The following WWOX variants were observed in gnomAD, a reference collection of about 807,000 sequenced individuals.
WWOX encodes WW domain containing oxidoreductase.
In WWOX, 69 loss-of-function variants were observed where a neutral mutation model predicts 46.2. That is an observed-to-expected ratio of 1.49 (90% confidence interval 1.23 to 1.82). WWOX has a LOEUF of 1.82. Ranked by LOEUF, WWOX falls within the 40% of genes most tolerant of loss-of-function variation. The probability of loss-of-function intolerance (pLI) is 0.00; values close to 1 mark genes in which losing one functional copy is unlikely to be tolerated. For synonymous variants in WWOX, 359 were observed against 202.6 expected (o/e 1.77, Z -6.56); for missense variants, 919 against 542.6 (o/e 1.69, Z -6.89).
chr16:78,752,878 G>A (rs1212799063), intron 8 of WWOX, among the ~76,000 whole-genome samples: 1 of 152,192 alleles, frequency 6.6e-6, no homozygotes, highest in African/African-American at 2.4e-5. Flanking sequence ...ATCTAAATCT[G>A]TCCTGGTCCC....
At chr16:78,775,925 A>G (rs1185669311) in intron 8 of WWOX, among the ~76,000 whole-genome samples, 1 of 152,242 alleles carries the variant, frequency 6.6e-6, no homozygotes. Flanking sequence ...AGACAAGGTC[A>G]GTCAGTGGCC....
chr16:78,233,927 G>A (rs2037353472), intron 5 of WWOX, among the ~76,000 whole-genome samples: 1 of 152,134 alleles, frequency 6.6e-6, no homozygotes, highest in Non-Finnish European at 1.5e-5. Context: ...TTCTTCTACT[G>A]GGAAAATGTA....
At chr16:78,726,293 C>T (rs537160847) in intron 8 of WWOX, among the ~76,000 whole-genome samples, 18 of 151,482 alleles carry the variant, frequency 1.2e-4, no homozygotes, top group Middle Eastern at 3.4e-3. Flanking sequence ...GGCATGATCA[C>T]GGTTCACTGC....
At chr16:78,932,512 C>G (rs369816455) in intron 8 of WWOX, among the ~76,000 whole-genome samples, 13 of 152,208 alleles carry the variant, frequency 8.5e-5, no homozygotes, top group African/African-American at 2.9e-4. Flanking sequence ...CTCTTGCAAA[C>G]CTTGAAGTGG....
At chr16:78,395,406 C>T (rs1236679058) in intron 6 of WWOX, among the ~76,000 whole-genome samples, 1 of 152,134 alleles carries the variant, frequency 6.6e-6, no homozygotes, top group East Asian at 1.9e-4. Flanking sequence ...GTAGTCCCAG[C>T]TGCTTGGGAG....
intron 4 of WWOX, among the ~76,000 whole-genome samples, chr16:78,122,090 TTTA>T (rs753905608): frequency 4.6e-5 from 7 of 152,314 alleles, no homozygotes; most frequent in African/African-American, 1.2e-4. Context: ...ATAGTTCTAT[TTTA>T]TTATTATTGT....
chr16:78,115,384 CTG>C (rs1412042399), intron 4 of WWOX, among the ~76,000 whole-genome samples: 4 of 152,176 alleles, frequency 2.6e-5, no homozygotes, highest in African/African-American at 9.7e-5. Flanking sequence ...CAGCAAAAGA[CTG>C]TGGCTATTTT....
chr16:79,009,248 G>C (rs1470254368), intron 8 of WWOX, among the ~76,000 whole-genome samples: 1 of 152,164 alleles, frequency 6.6e-6, no homozygotes, highest in East Asian at 1.9e-4. Context: ...AAACGGTTTG[G>C]GCACTATAGC....
At chr16:78,176,502 T>A (rs1450373282) in intron 5 of WWOX, among the ~76,000 whole-genome samples, 1 of 152,216 alleles carries the variant, frequency 6.6e-6, no homozygotes, top group Non-Finnish European at 1.5e-5. Flanking sequence ...ATTCTAATTG[T>A]TCCGACTACA....
At chr16:78,519,411 T>A (rs182197733) in intron 8 of WWOX, among the ~76,000 whole-genome samples, 1 of 152,114 alleles carries the variant, frequency 6.6e-6, no homozygotes, top group Admixed American at 6.6e-5. Flanking sequence ...GTCAGACCTT[T>A]CCATGGAAGG....
chr16:78,923,695 C>T (rs1260338426), intron 8 of WWOX, among the ~76,000 whole-genome samples: 1 of 150,730 alleles, frequency 6.6e-6, no homozygotes, highest in Non-Finnish European at 1.5e-5. Flanking sequence ...CTTTATTCTT[C>T]AAGAAAAAGT....
At chr16:79,161,495 A>G (rs16949738) in intron 8 of WWOX, among the ~76,000 whole-genome samples, 5,399 of 152,162 alleles carry the variant, frequency 0.035, 327 homozygotes, top group African/African-American at 0.12. Flanking sequence ...ATGTTTCTGA[A>G]TAAGTTATGT....
At chr16:78,911,882 C>T (rs150151764) in intron 8 of WWOX, among the ~76,000 whole-genome samples, 83 of 152,026 alleles carry the variant, frequency 5.5e-4, no homozygotes, top group Non-Finnish European at 1.0e-3. Flanking sequence ...AAAAACTCAA[C>T]GAAACACCCC....
intron 8 of WWOX, among the ~76,000 whole-genome samples, chr16:78,697,518 C>T (rs999823579): frequency 1.3e-5 from 2 of 152,052 alleles, no homozygotes; most frequent in African/African-American, 2.4e-5. Flanking sequence ...TATACAAGGA[C>T]TAATATCCAG....
At chr16:78,930,199 G>T (rs2045588164) in intron 8 of WWOX, among the ~76,000 whole-genome samples, 1 of 139,824 alleles carries the variant, frequency 7.2e-6, no homozygotes. Flanking sequence ...CCCAGAGCCT[G>T]GGGTGGATTA....
chr16:78,677,516 G>T (rs996355258), intron 8 of WWOX, among the ~76,000 whole-genome samples: 2 of 152,196 alleles, frequency 1.3e-5, no homozygotes, highest in Non-Finnish European at 2.9e-5. Context: ...TCTGTGGTCA[G>T]TTACTCATTA....
intron 8 of WWOX, among the ~76,000 whole-genome samples, chr16:78,536,771 G>A (rs1034344491): frequency 2.0e-4 from 30 of 152,088 alleles, no homozygotes; most frequent in African/African-American, 6.5e-4. Context: ...AAGGTGACTT[G>A]CCTCTAGCTG....
In WWOX at chr16:78,527,112, G is replaced by A. The variant is rs201564608; in HGVS notation, c.1056+94360G>A. Among the ~76,000 whole-genome samples, 21 of 152,156 alleles carry A rather than the reference G, an allele frequency of 1.4e-4. No individual in the cohort carries two copies. The East Asian group carries it at 3.9e-3, about 28-fold the overall frequency. ...CCAGGAGGTGAGGTTGTGGTGAGCC[G>A]AGATCATGCCATTGCACTCCAGCCT... On this transcript the variant is annotated intron_variant, in intron 8 of 8. Transcript: ENST00000566780.
intron 8 of WWOX, among the ~76,000 whole-genome samples, chr16:79,064,638 C>G (rs570311943): frequency 6.6e-6 from 1 of 152,134 alleles, no homozygotes; most frequent in African/African-American, 2.4e-5. Context: ...GCCGTCCATC[C>G]GGCACTGCCA....
Sources: allele counts gnomAD v4.1 joint callset (sites outside exome capture counted in the v4.1 genomes callset), GRCh38; gene constraint gnomAD v4.1.1; transcripts MANE v1.5; gene names NCBI Gene and HGNC (gene_info 2026-07-23, HGNC 2026-07-21).